The following STIP1 variants were observed in gnomAD, a reference collection of about 807,000 sequenced individuals.
STIP1 encodes the protein stress induced phosphoprotein 1.
STIP1 carries 16 observed loss-of-function variants against 77.4 expected under a neutral mutation model. The ratio of observed to expected loss-of-function variants is 0.21; its 90% CI spans 0.14 to 0.31. The LOEUF is 0.31. Among genes scored for constraint, STIP1 ranks in the 10% least tolerant of loss-of-function variants. The pLI is 1.00. For synonymous variants in STIP1, 258 were observed against 246.6 expected (o/e 1.05, Z -0.44); for missense variants, 524 against 684.8 (o/e 0.77, Z 2.62).
At chr11:64,191,400 GT>G (rs776992371) in intron 1 of STIP1, among the ~76,000 whole-genome samples, 2 of 152,044 alleles carry the variant, frequency 1.3e-5, no homozygotes, top group Non-Finnish European at 2.9e-5. Context: ...GAGGTCAGGA[GT>G]TCGAGACCAG....
intron 1 of STIP1, among the ~76,000 whole-genome samples, chr11:64,186,721 C>T (rs952986010): frequency 8.0e-4 from 122 of 152,334 alleles, no homozygotes; most frequent in African/African-American, 2.9e-3. Flanking sequence ...GGGACTTAGC[C>T]ACGAGGAACT....
chr11:64,186,276 G>T lies in STIP1; in HGVS notation c.9+6G>T, dbSNP rs1417956994. The T allele has an allele frequency of 2.6e-6, 4 of 1,548,738 alleles. No homozygotes were observed. Among genetic ancestry groups the T allele is most frequent in the Non-Finnish European group, 3.5e-6 (4 of 1,146,496 alleles). ...CGCGCTGCGCTATGGAGCAGGTGAA[G>T]GGGGAGGGGCGGGCTGAGGCCCCGA... On this transcript the variant is annotated splice_donor_region_variant and intron_variant, in intron 1 of 13. Coordinates refer to ENST00000305218, the MANE Select transcript of STIP1 (RefSeq NM_006819.3).
intron 5 of STIP1, among the ~76,000 whole-genome samples, chr11:64,196,415 G>C (rs1200309991): frequency 6.8e-5 from 9 of 131,782 alleles, no homozygotes; most frequent in African/African-American, 2.2e-4. Context: ...AAAAAAAAAA[G>C]CTTCACAAGA....
chr11:64,200,613 G>GTGTGTGTA (rs1651828948), intron 10 of STIP1, among the ~76,000 whole-genome samples: 1 of 150,818 alleles, frequency 6.6e-6, no homozygotes, highest in African/African-American at 2.4e-5. Flanking sequence ...GTGTGTGTGT[G>GTGTGTGTA]TGTGTGTGTG....
In STIP1 at chr11:64,195,749, C is replaced by T; in HGVS notation, c.608C>T (p.Pro203Leu). 1.2e-6 allele frequency: 2 copies of T among 1,614,090 alleles called. No homozygotes were observed. Among genetic ancestry groups the T allele is most frequent in the Non-Finnish European group, 1.7e-6 (2 of 1,180,016 alleles). ...EEEIATPPPP[P>L]PPKKETKPEP... ...GAGATTGCAACACCTCCACCACCAC[C>T]CCCTCCCAAAAAGGAGACCAAGCCA... Residue 203 changes from proline to leucine, a missense_variant, in exon 5 of 14, where the codon CCC (proline) becomes CTC (leucine). Coordinates refer to ENST00000305218, the MANE Select transcript of STIP1 (RefSeq NM_006819.3).
chr11:64,200,409 C>A, intron 10 of STIP1, 116 bp downstream of exon 10: 2 of 1,473,582 alleles, frequency 1.4e-6, no homozygotes, highest in Non-Finnish European at 1.8e-6. Flanking sequence ...GAGACAGTGT[C>A]TCACTCTGTC....
At chr11:64,186,855 T>G (rs889550945) in intron 1 of STIP1, among the ~76,000 whole-genome samples, 13 of 152,080 alleles carry the variant, frequency 8.5e-5, no homozygotes, top group African/African-American at 3.1e-4. Context: ...GGGAGAGCGT[T>G]GAGCGGGGGT....
At chr11:64,188,414 G>A (rs573420004) in intron 1 of STIP1, among the ~76,000 whole-genome samples, 1 of 151,850 alleles carries the variant, frequency 6.6e-6, no homozygotes, top group Non-Finnish European at 1.5e-5. Flanking sequence ...TAGAGACAGG[G>A]TCTGGTTCTG....
chr11:64,185,866 A>C, upstream of STIP1: 1 of 1,536,160 alleles, frequency 6.5e-7, no homozygotes, highest in Non-Finnish European at 8.7e-7. Flanking sequence ...AAATTTCCAG[A>C]ACGATCAGAA....
Position 64,195,719 on chromosome 11 carries a change from A to T in STIP1, c.578A>T (p.Glu193Val). The T allele has an allele frequency of 6.2e-7, 1 of 1,614,074 alleles. No individual in the cohort carries two copies. The highest frequency in any genetic ancestry group is 8.5e-7 in the Non-Finnish European group (1 of 1,180,020). ...LGVDLGSMDE[E>V]EEIATPPPPP... Reference sequence around the variant, plus strand: ...GTCGATCTGGGCAGTATGGATGAGGAGGAAGAGATTGCAACACCTCCACCA... The same window carrying T: ...GTCGATCTGGGCAGTATGGATGAGGTGGAAGAGATTGCAACACCTCCACCA... The change falls in exon 5 of 14, where the codon GAG becomes GTG. Residue 193 changes from glutamate (E) to valine (V), a missense_variant. Physicochemically the swap from Glu to Val is moderately radical, Grantham distance 121. Transcript: ENST00000305218.
At chr11:64,203,896 C>A in intron 13 of STIP1, 158 bp from the exon 14 acceptor site, 1 of 903,804 alleles carries the variant, frequency 1.1e-6, no homozygotes, top group Non-Finnish European at 1.7e-6. Context: ...GCAAGTTCTG[C>A]GAAGTGGAGC....
chr11:64,203,781 G>A (rs1946248787), intron 13 of STIP1, 159 bp downstream of exon 13: 3 of 895,274 alleles, frequency 3.4e-6, no homozygotes, highest in South Asian at 3.2e-5. Context: ...CGAGCTGGAA[G>A]GGCTTTGTTA....
rs766923089 is a variant in STIP1, at chr11:64,204,118, A to G, written c.1624A>G (p.Ile542Val). 1.2e-6 allele frequency: 2 copies of G among 1,614,190 alleles called. No homozygotes were observed. Among genetic ancestry groups the G allele is most frequent in the Non-Finnish European group, 1.7e-6 (2 of 1,180,032 alleles). ...QKLMDVGLIA[I>V]R ...GCTGATGGATGTGGGTCTGATTGCA[A>G]TTCGGTGATGACTTGTTCATCCCCC... The change falls in exon 14 of 14, where the codon ATT becomes GTT. Residue 542 changes from isoleucine (I) to valine (V), a missense_variant. Transcript: ENST00000305218.
intron 1 of STIP1, among the ~76,000 whole-genome samples, chr11:64,191,586 C>T (rs1946093245): frequency 6.6e-6 from 1 of 152,116 alleles, no homozygotes; most frequent in African/African-American, 2.4e-5. Flanking sequence ...AGTCTGGGGA[C>T]AGAGCAAGAC....
At chr11:64,191,608 A>AAAT (rs1232457027) in intron 1 of STIP1, among the ~76,000 whole-genome samples, 1 of 152,148 alleles carries the variant, frequency 6.6e-6, no homozygotes. Flanking sequence ...CTGTCTCAAA[A>AAAT]AATAATAATA....
intron 1 of STIP1, 145 bp from the exon 2 acceptor site, chr11:64,192,933 A>C (rs1591007199): frequency 1.2e-6 from 1 of 805,824 alleles, no homozygotes; most frequent in East Asian, 2.7e-5. Context: ...GTGAGAAATT[A>C]AATAAATGAA....
At position 64,199,927 on chromosome 11, in the gene STIP1, TTA is replaced by T. The variant is rs1491302307; in HGVS notation, c.1024-11_1024-10del. On this transcript the variant is annotated splice_polypyrimidine_tract_variant and intron_variant, in intron 8 of 13. Transcript: ENST00000305218. ...AGCGTTTAAATTATTATTTCAAGAATTATGTTTTGTAGGCAGAGAAAATCCTG... is the reference window on the plus strand; with the variant it reads ...AGCGTTTAAATTATTATTTCAAGAATTGTTTTGTAGGCAGAGAAAATCCTG... 6.2e-7 allele frequency: 1 copy of T among 1,613,890 alleles called. No individual in the cohort carries two copies. The highest frequency in any genetic ancestry group is 1.7e-5 in the Admixed American group (1 of 59,984).
In STIP1 at chr11:64,204,488, G is replaced by A. The variant is rs945983855; in HGVS notation, c.*362G>A. 2.8e-5 allele frequency: 8 copies of A among 284,270 alleles called. No homozygotes were observed. Among genetic ancestry groups the A allele is most frequent in the Middle Eastern group, 1.0e-3 (1 of 982 alleles). The allele number at this position is 284,270 out of a possible 1,614,324, so 17.6% of individuals were successfully genotyped here. A position where few individuals can be genotyped will look rare whatever the true frequency, so the allele number is the denominator to read the frequency against. ...CAGCCTCAGGTCCCAGCTGTCTCAC[G>A]TTGTTTATTCTGCGTCCCCTTCTCC... On this transcript the variant is annotated 3_prime_UTR_variant, in exon 14 of 14. Transcript: ENST00000305218.
At chr11:64,185,689 G>A (rs914235579), upstream of STIP1, 4 of 1,242,562 alleles carry the variant, frequency 3.2e-6, no homozygotes, top group Admixed American at 2.5e-5. Context: ...GACCCCGACT[G>A]CAGCCGGTAC....
Sources: allele counts gnomAD v4.1 joint callset (sites outside exome capture counted in the v4.1 genomes callset), GRCh38; gene constraint gnomAD v4.1.1; transcripts MANE v1.5; gene names NCBI Gene and HGNC (gene_info 2026-07-23, HGNC 2026-07-21).